TCF25: variants seen among roughly 807,000 people sequenced by gnomAD.
The protein encoded by TCF25 is TCF25 ribosome quality control complex subunit, also known as ribosome quality control complex subunit TCF25.
TCF25 carries 41 observed loss-of-function variants against 83.1 expected under a neutral mutation model. The ratio of observed to expected loss-of-function variants is 0.49; its 90% confidence interval spans 0.38 to 0.64. TCF25 has a LOEUF of 0.64. TCF25 is among the 30% of genes least tolerant of loss of function. The pLI, the probability that TCF25 is intolerant of heterozygous loss-of-function variation, is 0.00. For synonymous variants in TCF25, 458 were observed against 365.0 expected, an observed-to-expected ratio of 1.25 and a Z score of -2.90; for missense variants, 979 against 914.5, an observed-to-expected ratio of 1.07 and a Z score of -0.91.
intron 15 of TCF25, 55 bp from the exon 16 acceptor site, chr16:89,907,188 G>T: frequency 1.3e-6 from 2 of 1,570,790 alleles, no homozygotes; most frequent in East Asian, 2.2e-5. Context: ...GCTGGGAGAG[G>T]TAGAGGCCCC....
At chr16:89,910,397 C>T in intron 16 of TCF25, 194 bp from the exon 17 acceptor site, 4 of 621,480 alleles carry the variant, frequency 6.4e-6, no homozygotes, top group Non-Finnish European at 1.1e-5. Context: ...CACAGCCCCA[C>T]CCTAAGCTGA....
At chr16:89,888,673 TTC>T (rs1274436527) in intron 5 of TCF25, among the ~76,000 whole-genome samples, 1 of 148,234 alleles carries the variant, frequency 6.7e-6, no homozygotes, top group Non-Finnish European at 1.5e-5. Context: ...CTTTCTCTCT[TTC>T]TTTCTTTTTT....
At chr16:89,877,612 CAA>C (rs773051486) in intron 1 of TCF25, among the ~76,000 whole-genome samples, 2 of 152,146 alleles carry the variant, frequency 1.3e-5, no homozygotes, top group African/African-American at 2.4e-5. Context: ...AAATTAAACT[CAA>C]AATGTGTCGA....
chr16:89,908,944 A>G, intron 16 of TCF25: 1 of 1,289,402 alleles, frequency 7.8e-7, no homozygotes, highest in African/African-American at 1.5e-5. Context: ...GCTCAGGGCT[A>G]AGTGGGTCTT....
At chr16:89,874,720 C>T (rs1362869475) in intron 1 of TCF25, 3 of 152,292 alleles carry the variant, frequency 2.0e-5, no homozygotes, top group South Asian at 2.1e-4. Context: ...GATCCTCCCA[C>T]CTCAGCCTCC....
Position 89,893,776 on chromosome 16 carries a change from C to G in TCF25, c.746C>G (p.Ala249Gly). 6.2e-7 allele frequency: 1 copy of G among 1,613,646 alleles called. No homozygotes were observed. The highest frequency in any genetic ancestry group is 8.5e-7 in the Non-Finnish European group (1 of 1,179,842). The change falls in exon 7 of 18, where the codon GCG becomes GGG. Residue 249 changes from alanine to glycine, a missense_variant. Physicochemically the swap from Ala to Gly is moderately conservative, Grantham distance 60 (BLOSUM62 0). Coordinates refer to ENST00000263346, the MANE Select transcript of TCF25 (RefSeq NM_014972.3). ...TCAAAAAAAGGCCTCTCCTTCTTTG[C>G]GTTTGAGCACAGTGAGGAGTACCAG... ...LESKKGLSFFAFEHSEEYQQA... is the reference protein window; with the variant it reads ...LESKKGLSFFGFEHSEEYQQA...
chr16:89,882,848 A>C (rs967786277), intron 1 of TCF25, among the ~76,000 whole-genome samples: 1 of 152,176 alleles, frequency 6.6e-6, no homozygotes, highest in Non-Finnish European at 1.5e-5. Context: ...CAACCTCCCA[A>C]AGTGCTGGGA....
In TCF25 at chr16:89,874,534, C is replaced by T. The variant is rs34210301; in HGVS notation, c.192+675C>T. Reference sequence around the variant, plus strand: ...CTGCCTAACCCAGGGCCTTGCTCTTCGCGCATCCCCATCAGCCTAACCCAG... The same window carrying T: ...CTGCCTAACCCAGGGCCTTGCTCTTTGCGCATCCCCATCAGCCTAACCCAG... On this transcript the variant is annotated intron_variant, in intron 1 of 17. Transcript: ENST00000263346. The T allele has an allele frequency of 9.7e-3, 1,479 of 152,636 alleles. 30 individuals carry two copies. The highest frequency in any genetic ancestry group is 0.095 in the South Asian group (475 of 4,994). 9.5% of individuals were successfully genotyped at this position (152,636 alleles called of 1,614,324 possible).
At position 89,906,185 on chromosome 16, in the gene TCF25, C is replaced by G; in HGVS notation, c.1629-9C>G. 1 of 1,612,216 alleles carries G rather than the reference C, an allele frequency of 6.2e-7. No homozygotes were observed. The highest frequency in any genetic ancestry group is 8.5e-7 in the Non-Finnish European group (1 of 1,179,414). On this transcript the variant is annotated splice_polypyrimidine_tract_variant and intron_variant, in intron 14 of 17. Coordinates refer to ENST00000263346, the MANE Select transcript of TCF25 (RefSeq NM_014972.3). ...TTATCTGCTGTGCCTTGTTTCTCCCCGGCCCTAGGCGGAAGGTGCTCTACC... is the reference window on the plus strand; with the variant it reads ...TTATCTGCTGTGCCTTGTTTCTCCCGGGCCCTAGGCGGAAGGTGCTCTACC...
At chr16:89,894,185 A>C (rs1344774923) in intron 7 of TCF25, among the ~76,000 whole-genome samples, 1 of 152,016 alleles carries the variant, frequency 6.6e-6, no homozygotes, top group Non-Finnish European at 1.5e-5. Context: ...CCTGCGGCTC[A>C]GTGCAGGCGA....
chr16:89,886,029 C>T (rs1168672140), intron 4 of TCF25, 63 bp downstream of exon 4: 8 of 1,395,102 alleles, frequency 5.7e-6, no homozygotes, highest in Admixed American at 1.8e-5. Flanking sequence ...TGCGGCTGCC[C>T]TTCTCTGCGG....
intron 6 of TCF25, among the ~76,000 whole-genome samples, chr16:89,892,945 G>T (rs1324721442): frequency 1.3e-5 from 2 of 152,240 alleles, no homozygotes; most frequent in Admixed American, 6.5e-5. Context: ...TCCTGCGCCT[G>T]TGTCTGTGGG....
intron 13 of TCF25, 35 bp downstream of exon 13, chr16:89,904,240 C>T: frequency 6.5e-7 from 1 of 1,549,746 alleles, no homozygotes; most frequent in Non-Finnish European, 8.7e-7. Flanking sequence ...TCTGTGGGTG[C>T]CTGTGGGTTC....
chr16:89,898,962 C>A, intron 11 of TCF25, 90 bp downstream of exon 11: 1 of 1,269,562 alleles, frequency 7.9e-7, no homozygotes, highest in Non-Finnish European at 1.1e-6. Context: ...GCTCAGGGGA[C>A]GTTTGGGGAT....
At position 89,907,146 on chromosome 16, in the gene TCF25, C is replaced by G. The variant is rs1485972118; in HGVS notation, c.1720-97C>G. 3.3e-6 allele frequency: 4 copies of G among 1,200,314 alleles called. No homozygotes were observed. The African/African-American group carries it at 4.5e-5, about 13-fold the overall frequency. The allele number at this position is 1,200,314 out of a possible 1,614,324, so 74.4% of individuals were successfully genotyped here. A position where few individuals can be genotyped will look rare whatever the true frequency, so the allele number is the denominator to read the frequency against. On this transcript the variant is annotated intron_variant, in intron 15 of 17. Transcript: ENST00000263346. ...TGTGGCTATCTCTCAGCAGATGCAT[C>G]CAGTCCATGCTGGAGTCGACAGAAG...
chr16:89,894,439 G>A (rs940015943), intron 7 of TCF25, among the ~76,000 whole-genome samples: 18 of 152,194 alleles, frequency 1.2e-4, no homozygotes, highest in African/African-American at 2.9e-4. Flanking sequence ...TTGCAACCCC[G>A]GACAGCCTCC....
intron 1 of TCF25, among the ~76,000 whole-genome samples, chr16:89,880,249 G>T (rs1161495217): frequency 2.0e-5 from 3 of 152,178 alleles, no homozygotes; most frequent in African/African-American, 7.2e-5. Context: ...CTCAAAATAA[G>T]AATTTTTTTT....
At chr16:89,902,471 C>T (rs1275271149) in intron 12 of TCF25, among the ~76,000 whole-genome samples, 6 of 120,856 alleles carry the variant, frequency 5.0e-5, no homozygotes, top group Admixed American at 8.1e-5. Context: ...GGGCGGATCA[C>T]GAGGTCAGGA....
intron 11 of TCF25, among the ~76,000 whole-genome samples, chr16:89,900,429 C>T (rs965021664): frequency 3.9e-5 from 6 of 152,200 alleles, no homozygotes; most frequent in East Asian, 1.9e-4. Flanking sequence ...GGCCCTCCCA[C>T]GTCCTCTGTA....
Sources: allele counts gnomAD v4.1 joint callset (sites outside exome capture counted in the v4.1 genomes callset), GRCh38; gene constraint gnomAD v4.1.1; transcripts MANE v1.5; gene names NCBI Gene and HGNC (gene_info 2026-07-23, HGNC 2026-07-21).